POU6F2: variants seen among roughly 807,000 people sequenced by gnomAD.
The protein encoded by POU6F2 is POU domain, class 6, transcription factor 2.
Under a neutral mutation model 71.3 loss-of-function variants are expected in POU6F2, and 31 were observed. The ratio of observed to expected loss-of-function variants is 0.43; its 90% confidence interval spans 0.33 to 0.59. The LOEUF is 0.59. POU6F2 is among the 20% of genes least tolerant of loss of function. The pLI, the probability that POU6F2 is intolerant of heterozygous loss-of-function variation, is 0.04. For missense variants in POU6F2, 783 were observed against 856.8 expected (o/e 0.91, Z 1.07); for synonymous variants, 347 against 355.7 (o/e 0.98, Z 0.27).
intron 1 of POU6F2, among the ~76,000 whole-genome samples, chr7:39,044,118 G>T (rs1216249111): frequency 6.6e-6 from 1 of 151,866 alleles, no homozygotes; most frequent in African/African-American, 2.4e-5. Context: ...CACCCTAGGG[G>T]ATTCTTACGC....
chr7:39,009,388 G>A (rs1789191268), intron 1 of POU6F2, among the ~76,000 whole-genome samples: 1 of 152,138 alleles, frequency 6.6e-6, no homozygotes, highest in African/African-American at 2.4e-5. Flanking sequence ...CTGAGACTTT[G>A]CTGAAGTTGC....
chr7:39,459,452 G>GGTTTGGTTTTGTTTTGTTTT (rs1016811605), intron 8 of POU6F2, among the ~76,000 whole-genome samples: 2 of 148,932 alleles, frequency 1.3e-5, no homozygotes, highest in African/African-American at 5.0e-5. Context: ...TGGTTTTGTG[G>GGTTTGGTTTTGTTTTGTTTT]GTTTTGTTTT....
chr7:39,207,287 T>C (rs1328948247), intron 3 of POU6F2, 105 bp from the exon 4 acceptor site: 2 of 1,080,958 alleles, frequency 1.9e-6, no homozygotes, highest in Non-Finnish European at 2.6e-6. Flanking sequence ...TTTTTGGTAC[T>C]TCTTCGGGAA....
chr7:39,207,464 C>A lies in POU6F2; in HGVS notation c.442C>A (p.Gln148Lys). The change falls in exon 4 of 10, where the codon CAG becomes AAG. Residue 148 changes from glutamine to lysine, a missense_variant. Gln to Lys is a moderately conservative substitution (Grantham distance 53). Around this residue, in one of 2 missense-constraint regions of POU6F2, gnomAD observed 572 missense variants for 572.9 expected, o/e 1.00. Coordinates refer to ENST00000518318, the MANE Select transcript of POU6F2 (RefSeq NM_001370959.1). ...GCCGGGAGGCCCCCCAGCCCTCAAC[C>A]AGCCAATCCTCATTCCCTTCAACAT... Reference protein sequence around the residue: ...VMPGGPPALNQPILIPFNMAG... With the variant: ...VMPGGPPALNKPILIPFNMAG... The A allele has an allele frequency of 6.2e-7, 1 of 1,614,022 alleles. No homozygotes were observed. The highest frequency in any genetic ancestry group is 8.5e-7 in the Non-Finnish European group (1 of 1,179,890).
chr7:39,170,155 G>A (rs1436292571), intron 2 of POU6F2, among the ~76,000 whole-genome samples: 1 of 152,134 alleles, frequency 6.6e-6, no homozygotes, highest in South Asian at 2.1e-4. Context: ...GCAACAGAGC[G>A]AGATTCTGTC....
chr7:39,238,261 A>G (rs1007074281), intron 4 of POU6F2, among the ~76,000 whole-genome samples: 2 of 152,146 alleles, frequency 1.3e-5, no homozygotes, highest in Non-Finnish European at 2.9e-5. Context: ...AGCGGAGATT[A>G]GAGACAATGA....
chr7:39,383,772 A>G (rs925995212), intron 5 of POU6F2, among the ~76,000 whole-genome samples: 2 of 152,232 alleles, frequency 1.3e-5, no homozygotes, highest in Non-Finnish European at 2.9e-5. Context: ...TGTGAAAGCT[A>G]CAGCCATTAC....
At chr7:39,346,753 A>G (rs1045446938) in intron 5 of POU6F2, among the ~76,000 whole-genome samples, 2 of 152,214 alleles carry the variant, frequency 1.3e-5, no homozygotes, top group Non-Finnish European at 2.9e-5. Context: ...ACAATATTCT[A>G]CTGCTTTCAT....
At chr7:39,145,370 A>C (rs946232656) in intron 2 of POU6F2, among the ~76,000 whole-genome samples, 14 of 152,238 alleles carry the variant, frequency 9.2e-5, no homozygotes, top group African/African-American at 3.4e-4. Flanking sequence ...AGAGAACCAG[A>C]TCACACAGTT....
intron 2 of POU6F2, among the ~76,000 whole-genome samples, chr7:39,186,580 C>G (rs745372808): frequency 3.3e-5 from 5 of 152,138 alleles, no homozygotes; most frequent in Non-Finnish European, 7.4e-5. Context: ...CCATTTTTGC[C>G]CAAAACCATC....
chr7:39,216,304 A>G (rs1794241622), intron 4 of POU6F2, among the ~76,000 whole-genome samples: 1 of 152,240 alleles, frequency 6.6e-6, no homozygotes, highest in Admixed American at 6.5e-5. Flanking sequence ...CCATTAGATC[A>G]CATGGTCTAT....
At chr7:39,032,438 T>C (rs1789965395) in intron 1 of POU6F2, among the ~76,000 whole-genome samples, 1 of 152,266 alleles carries the variant, frequency 6.6e-6, no homozygotes. Context: ...ATAATTCCTA[T>C]ATATGTAGAC....
intron 2 of POU6F2, among the ~76,000 whole-genome samples, chr7:39,186,820 C>T (rs1793549558): frequency 1.3e-5 from 2 of 152,078 alleles, no homozygotes; most frequent in Non-Finnish European, 1.5e-5. Flanking sequence ...TGTTTCTTCC[C>T]CTCCTGACAC....
intron 2 of POU6F2, among the ~76,000 whole-genome samples, chr7:39,184,756 G>A (rs1228355758): frequency 6.6e-6 from 1 of 152,160 alleles, no homozygotes; most frequent in African/African-American, 2.4e-5. Flanking sequence ...TGTGAAATAT[G>A]AAACACACCA....
chr7:39,142,127 CA>C (rs948104792), intron 2 of POU6F2, among the ~76,000 whole-genome samples: 27 of 152,052 alleles, frequency 1.8e-4, no homozygotes, highest in Admixed American at 1.7e-3. Flanking sequence ...ATTGTCACAC[CA>C]AACCAAGCCT....
At chr7:39,377,480 G>A (rs1287437138) in intron 5 of POU6F2, among the ~76,000 whole-genome samples, 1 of 152,162 alleles carries the variant, frequency 6.6e-6, no homozygotes, top group Admixed American at 6.5e-5. Context: ...CTTAGTAAAT[G>A]AAAATGTTTG....
chr7:39,286,857 G>A (rs1784659302), intron 4 of POU6F2, among the ~76,000 whole-genome samples: 1 of 151,930 alleles, frequency 6.6e-6, no homozygotes, highest in Admixed American at 6.6e-5. Context: ...CAAACTCCTG[G>A]CCTCAAGGGA....
At chr7:39,038,629 G>A (rs183054441) in intron 1 of POU6F2, among the ~76,000 whole-genome samples, 26 of 151,990 alleles carry the variant, frequency 1.7e-4, no homozygotes, top group Admixed American at 1.4e-3. Context: ...AATTAAGTGC[G>A]GTGTTTATTC....
intron 2 of POU6F2, among the ~76,000 whole-genome samples, chr7:39,152,638 C>T (rs1035740564): frequency 1.3e-5 from 2 of 152,088 alleles, no homozygotes; most frequent in African/African-American, 4.8e-5. Context: ...CTCCCTAGGT[C>T]CCCTGACTCG....
Sources: allele counts gnomAD v4.1 joint callset (sites outside exome capture counted in the v4.1 genomes callset), GRCh38; gene constraint gnomAD v4.1.1; regional missense constraint gnomAD v4.1.1; transcripts MANE v1.5; gene names NCBI Gene and HGNC (gene_info 2026-07-23, HGNC 2026-07-21).